Variants in SULT4A1 observed in about 807,000 individuals in gnomAD.
The protein encoded by SULT4A1 is sulfotransferase 4A1.
A neutral mutation model predicts 35.2 loss-of-function variants in SULT4A1; 11 were observed. The ratio of observed to expected loss-of-function variants is 0.31; its 90% CI spans 0.20 to 0.52. SULT4A1 has a LOEUF of 0.52. Among genes scored for constraint, SULT4A1 ranks in the 20% least tolerant of loss-of-function variants. The pLI is 0.97. For synonymous variants in SULT4A1, 152 were observed against 151.8 expected, an observed-to-expected ratio of 1.00 and a Z score of -0.01; for missense variants, 271 against 383.7, an observed-to-expected ratio of 0.71 and a Z score of 2.45.
rs1443164188 is a variant in SULT4A1, at chr22:43,862,462, C to CG, written c.-81_-80insC. On this transcript the variant is annotated 5_prime_UTR_variant, in exon 1 of 7. Coordinates refer to ENST00000330884, the MANE Select transcript of SULT4A1 (RefSeq NM_014351.4). The stretch of plus-strand genomic sequence containing the variant: ...CCGCGCCCGCGCCCGCGCCCGCGCC[C>CG]CGCACACGCTCGCGCCCCACCGGCG... 1.5e-4 allele frequency: 137 copies of CG among 918,420 alleles called. No homozygotes were observed. The highest frequency in any genetic ancestry group is 1.6e-4 in the Non-Finnish European group (127 of 772,450). The allele number at this position is 918,420 out of a possible 1,614,324, so 56.9% of individuals were successfully genotyped here. A position where few individuals can be genotyped will look rare whatever the true frequency, so the allele number is the denominator to read the frequency against.
intron 1 of SULT4A1, among the ~76,000 whole-genome samples, chr22:43,842,439 A>C (rs2063440732): frequency 6.6e-6 from 1 of 152,222 alleles, no homozygotes; most frequent in South Asian, 2.1e-4. Flanking sequence ...GTTCTAGAAC[A>C]GTCTTGGCCA....
intron 4 of SULT4A1, among the ~76,000 whole-genome samples, chr22:43,834,282 C>T (rs1169395189): frequency 6.6e-6 from 1 of 151,558 alleles, no homozygotes; most frequent in South Asian, 2.1e-4. Context: ...GCACCCACAC[C>T]GCGGCCCTGT....
chr22:43,861,528 G>C (rs1266815603), intron 1 of SULT4A1, among the ~76,000 whole-genome samples: 1 of 152,192 alleles, frequency 6.6e-6, no homozygotes, highest in Non-Finnish European at 1.5e-5. Context: ...CCCTCTCTGA[G>C]CCTCTGTGCC....
At chr22:43,845,560 G>A (rs949971964) in intron 1 of SULT4A1, among the ~76,000 whole-genome samples, 2 of 152,060 alleles carry the variant, frequency 1.3e-5, no homozygotes, top group South Asian at 2.1e-4. Context: ...CTGTGACACT[G>A]CGTCCTCACA....
chr22:43,856,413 C>T (rs558937804), intron 1 of SULT4A1, among the ~76,000 whole-genome samples: 2 of 152,304 alleles, frequency 1.3e-5, no homozygotes, highest in South Asian at 2.1e-4. Flanking sequence ...GAGTTACCAT[C>T]CAGGCAGTTT....
intron 1 of SULT4A1, among the ~76,000 whole-genome samples, chr22:43,848,589 C>T (rs1174083127): frequency 6.6e-6 from 1 of 152,238 alleles, no homozygotes. Flanking sequence ...ACGCCTGGAG[C>T]TGGAGTCGCT....
chr22:43,858,598 A>G (rs550298622), intron 1 of SULT4A1, among the ~76,000 whole-genome samples: 2 of 152,160 alleles, frequency 1.3e-5, no homozygotes, highest in African/African-American at 4.8e-5. Flanking sequence ...GTAACTCACC[A>G]CACTGCTGTG....
At chr22:43,851,899 C>T (rs562284223) in intron 1 of SULT4A1, among the ~76,000 whole-genome samples, 8 of 152,328 alleles carry the variant, frequency 5.3e-5, no homozygotes, top group Non-Finnish European at 7.4e-5. Context: ...TGGCCACCCT[C>T]ACGACTGCGG....
intron 4 of SULT4A1, 136 bp from the exon 5 acceptor site, chr22:43,833,870 T>C: frequency 1.4e-6 from 1 of 732,440 alleles, no homozygotes; most frequent in Non-Finnish European, 2.2e-6. Flanking sequence ...TGCGGACAAG[T>C]CTGGCAAAGG....
intron 2 of SULT4A1, 149 bp from the exon 3 acceptor site, chr22:43,840,174 G>A (rs1024727549): frequency 1.5e-6 from 1 of 652,934 alleles, no homozygotes; most frequent in Non-Finnish European, 2.6e-6. Flanking sequence ...GTCTAGGGTA[G>A]CGGAGGGGTC....
chr22:43,827,391 T>G (rs1204597047), intron 6 of SULT4A1: 4 of 1,138,146 alleles, frequency 3.5e-6, no homozygotes, highest in Non-Finnish European at 4.4e-6. Context: ...GAAAAATTAT[T>G]CTTGTAACCC....
chr22:43,862,167 G>T, intron 1 of SULT4A1, 47 bp downstream of exon 1: 1 of 1,425,898 alleles, frequency 7.0e-7, no homozygotes. Flanking sequence ...CGGCCGCGCT[G>T]CAGGGCTGGG....
At chr22:43,843,631 C>T (rs1603407566) in intron 1 of SULT4A1, among the ~76,000 whole-genome samples, 1 of 152,220 alleles carries the variant, frequency 6.6e-6, no homozygotes, top group Non-Finnish European at 1.5e-5. Context: ...CCATAAAAGG[C>T]CCAAGAGGAC....
At chr22:43,826,476 TTTA>T (rs1369933210) in intron 6 of SULT4A1, 25 of 985,200 alleles carry the variant, frequency 2.5e-5, no homozygotes, top group East Asian at 2.3e-4. Context: ...GTGGCAGGTG[TTTA>T]ATAAACATCC....
At chr22:43,841,459 G>A (rs752663885) in intron 2 of SULT4A1, among the ~76,000 whole-genome samples, 26 of 152,148 alleles carry the variant, frequency 1.7e-4, no homozygotes, top group Middle Eastern at 3.2e-3. Flanking sequence ...CCAAATATTT[G>A]ATGCAAACAC....
intron 1 of SULT4A1, among the ~76,000 whole-genome samples, chr22:43,850,118 A>C (rs951598209): frequency 6.6e-6 from 1 of 152,226 alleles, no homozygotes; most frequent in Non-Finnish European, 1.5e-5. Flanking sequence ...TAGTTGAAAA[A>C]GTCAGTCCTG....
intron 1 of SULT4A1, among the ~76,000 whole-genome samples, chr22:43,861,131 GCTCTGTTCTCCAAC>G (rs1281264757): frequency 1.3e-5 from 2 of 152,050 alleles, no homozygotes; most frequent in Non-Finnish European, 1.5e-5. Context: ...CCCATCGAAC[GCTCTGTTCTCCAAC>G]CAACACCCTC....
intron 3 of SULT4A1, 76 bp downstream of exon 3, chr22:43,839,869 C>A: frequency 7.3e-7 from 1 of 1,377,486 alleles, no homozygotes; most frequent in Non-Finnish European, 1.0e-6. Context: ...CAGGGACCTG[C>A]ATGTGTATTG....
chr22:43,827,546 G>A lies in SULT4A1; in HGVS notation c.743-1433C>T. On this transcript the variant is annotated intron_variant, in intron 6 of 6. Coordinates refer to ENST00000330884, the MANE Select transcript of SULT4A1 (RefSeq NM_014351.4). ...AGGATTTGGAATCAAGACAATTTAT[G>A]CTGTGACATGAATCAAATCTAAGCA... 2.9e-6 allele frequency: 4 copies of A among 1,362,938 alleles called. No homozygotes were observed. The South Asian group carries it at 4.6e-5, about 16-fold the overall frequency. The allele number at this position is 1,362,938 out of a possible 1,614,324, so 84.4% of individuals were successfully genotyped here. A position where few individuals can be genotyped will look rare whatever the true frequency, so the allele number is the denominator to read the frequency against.
Sources: allele counts gnomAD v4.1 joint callset (sites outside exome capture counted in the v4.1 genomes callset), GRCh38; gene constraint gnomAD v4.1.1; transcripts MANE v1.5; gene names NCBI Gene and HGNC (gene_info 2026-07-23, HGNC 2026-07-21).